Variants in CACNA1G observed in about 807,000 individuals in gnomAD.
The protein encoded by CACNA1G is calcium voltage-gated channel subunit alpha1 G.
Under a neutral mutation model 219.4 loss-of-function variants are expected in CACNA1G, and 67 were observed. That is an observed-to-expected ratio of 0.31 (90% CI 0.25 to 0.37). The LOEUF (loss-of-function observed/expected upper bound fraction) is 0.37, where lower values mean the gene tolerates loss of function less well. CACNA1G is among the 10% of genes least tolerant of loss of function. The pLI is 1.00. For missense variants in CACNA1G, 2,380 were observed against 3,231.4 expected (o/e 0.74, Z 6.39); for synonymous variants, 1,296 against 1,345.3 (o/e 0.96, Z 0.80).
intron 1 of CACNA1G, among the ~76,000 whole-genome samples, chr17:50,564,462 A>G (rs1597966221): frequency 1.8e-5 from 1 of 56,574 alleles, no homozygotes; most frequent in Non-Finnish European, 3.4e-5. Flanking sequence ...AGAGAGGGGG[A>G]GTGGGAGGGG....
intron 1 of CACNA1G, 110 bp from the exon 2 acceptor site, chr17:50,568,759 TG>T (rs2038610304): frequency 2.5e-6 from 2 of 815,424 alleles, no homozygotes; most frequent in Non-Finnish European, 4.1e-6. Context: ...GCACCACACC[TG>T]CTTAGCCTCA....
rs761607823 is a variant in CACNA1G, at chr17:50,591,459, G to T, written c.2478G>T (p.Gln826His). Residue 826 changes from glutamine (Q) to histidine (H), a missense_variant, in exon 11 of 38, where the codon CAG (glutamine) becomes CAT (histidine). This residue lies in a region of CACNA1G where 82 missense variants were observed against 140.7 expected (regional missense o/e 0.58). Coordinates refer to ENST00000359106, the MANE Select transcript of CACNA1G (RefSeq NM_018896.5). ...GCGTGTGGGAGATCGTGGGCCAGCA[G>T]GGGGGCGGCCTGTCGGTGCTGCGGA... ...VISVWEIVGQ[Q>H]GGGLSVLRTF... The T allele has an allele frequency of 1.3e-6, 2 of 1,588,882 alleles. No individual in the cohort carries two copies. Among genetic ancestry groups the T allele is most frequent in the Admixed American group, 1.7e-5 (1 of 58,014 alleles).
At position 50,585,801 on chromosome 17, in the gene CACNA1G, C is replaced by G. The variant is rs78991239; in HGVS notation, c.2302-4670C>G. Among the ~76,000 whole-genome samples the G allele has an allele frequency of 5.5e-3, 842 of 152,332 alleles. 7 individuals are homozygous for G. The highest frequency in any genetic ancestry group is 0.019 in the African/African-American group (780 of 41,572). ...CCTTGAAGACTTGCCTCCCACTGAC[C>G]CAGTGACCCTCACTGCCTCACTGCA... is the stretch of plus-strand genomic sequence containing the variant. On this transcript the variant is annotated intron_variant, in intron 9 of 37. Coordinates refer to ENST00000359106, the MANE Select transcript of CACNA1G (RefSeq NM_018896.5).
Position 50,600,791 on chromosome 17 carries a change from C to T in CACNA1G, c.3756C>T (p.Asp1252=), listed in dbSNP as rs746700061. ...TCCCTGCCTGCTGCCTCGAGCGAGA[C>T]TCCTGGTCAGCCTACATCTTCCCTC... The part of the protein sequence containing the change: ...ARLPACCLER[D]SWSAYIFPPQ... The change falls in exon 18 of 38, where the codon GAC becomes GAT. Residue 1252 remains aspartate, a synonymous_variant. Coordinates refer to ENST00000359106, the MANE Select transcript of CACNA1G (RefSeq NM_018896.5). The surrounding 1 kb of genome is among the most constrained non-coding windows in gnomAD (Gnocchi z 4.1). 6.2e-7 allele frequency: 1 copy of T among 1,613,908 alleles called. No homozygotes were observed. Among genetic ancestry groups the T allele is most frequent in the South Asian group, 1.1e-5 (1 of 91,088 alleles).
chr17:50,617,483 C>G lies in CACNA1G; in HGVS notation c.5067C>G (p.Gly1689=). The change falls in exon 29 of 38, where the codon GGC becomes GGG. Residue 1689 remains glycine, a synonymous_variant. Transcript: ENST00000359106. This position sits in a 1 kb window ranked among gnomAD's most constrained non-coding sequence, Gnocchi z 5.8. ...DLAIVLLSIM[G]ITLEEIEVNA... ...CCATTGTGCTGCTGTCCATCATGGG[C>G]ATCACGCTGGAGGAAATCGAGGTCA... 6.2e-7 allele frequency: 1 copy of G among 1,613,936 alleles called. No individual in the cohort carries two copies. Among genetic ancestry groups the G allele is most frequent in the Admixed American group, 1.7e-5 (1 of 60,012 alleles).
intron 13 of CACNA1G, among the ~76,000 whole-genome samples, chr17:50,592,643 C>A (rs970942080): frequency 6.6e-6 from 1 of 152,190 alleles, no homozygotes; most frequent in African/African-American, 2.4e-5. Context: ...TCACAGGCAG[C>A]GTCATCAATT....
rs1294495691 is a variant in CACNA1G at position 50,627,280 on chromosome 17, C to T, written c.*529C>T. 4.4e-6 allele frequency: 2 copies of T among 450,752 alleles called. No homozygotes were observed. The highest frequency in any genetic ancestry group is 2.4e-5 in the Admixed American group (1 of 42,276). 27.9% of individuals were successfully genotyped at this position (450,752 alleles called of 1,614,324 possible). A position where few individuals can be genotyped will look rare whatever the true frequency, so the allele number is the denominator to read the frequency against. Reference sequence around the variant, plus strand: ...ACGGTGGCCCATCTTCAGCGGAGAGCGAGAACCATTTTGGAAACTGTAATG... The same window carrying T: ...ACGGTGGCCCATCTTCAGCGGAGAGTGAGAACCATTTTGGAAACTGTAATG... On this transcript the variant is annotated 3_prime_UTR_variant, in exon 38 of 38. Coordinates refer to ENST00000359106, the MANE Select transcript of CACNA1G (RefSeq NM_018896.5).
In CACNA1G at chr17:50,602,859, G is replaced by A. The variant is rs60231077; in HGVS notation, c.3955G>A (p.Ala1319Thr). Residue 1319 changes from alanine (A) to threonine (T), a missense_variant, in exon 20 of 38, where the codon GCA becomes ACA. By Grantham distance (58) the Ala-to-Thr change is moderately conservative (BLOSUM62 0). Transcript: ENST00000359106. ...GACCCTCTCCAATTACATCTTCACCGCAGTCTTTCTGGCTGAAATGACAGT... is the reference window on the plus strand; with the variant it reads ...GACCCTCTCCAATTACATCTTCACCACAGTCTTTCTGGCTGAAATGACAGT... ...FLTLSNYIFT[A>T]VFLAEMTVKV... The A allele has an allele frequency of 3.7e-6, 6 of 1,613,674 alleles. No homozygotes were observed. Among genetic ancestry groups the A allele is most frequent in the African/African-American group, 1.3e-5 (1 of 74,858 alleles).
intron 22 of CACNA1G, among the ~76,000 whole-genome samples, chr17:50,605,205 C>T (rs1448901446): frequency 6.6e-6 from 1 of 152,168 alleles, no homozygotes; most frequent in Non-Finnish European, 1.5e-5. Context: ...CTGTTTTGAG[C>T]AGTTTGCTCA....
At chr17:50,562,430 C>A (rs553795969) in intron 1 of CACNA1G, among the ~76,000 whole-genome samples, 42 of 152,276 alleles carry the variant, frequency 2.8e-4, no homozygotes, top group African/African-American at 1.0e-3. Flanking sequence ...GCTGTCTGCC[C>A]CCGGAGCTGG....
rs199604200 is a variant in CACNA1G, at chr17:50,572,638, C to T, written c.831C>T (p.Asn277=). Reference sequence around the variant, plus strand: ...TCATCTGCTCCCAGCCACGCGAGAACGGCATGCGGTCCTGCAGAAGCGTGC... The same window carrying T: ...TCATCTGCTCCCAGCCACGCGAGAATGGCATGCGGTCCTGCAGAAGCGTGC... The part of the protein sequence containing the change: ...SPFICSQPRE[N]GMRSCRSVPT... Residue 277 remains asparagine (N), a synonymous_variant, in exon 6 of 38, where the codon AAC becomes AAT. Transcript: ENST00000359106. 3.3e-5 allele frequency: 53 copies of T among 1,601,024 alleles called. No individual in the cohort carries two copies. Among genetic ancestry groups the T allele is most frequent in the African/African-American group, 1.1e-4 (8 of 74,592 alleles).
intron 9 of CACNA1G, among the ~76,000 whole-genome samples, chr17:50,590,183 G>A (rs1271186430): frequency 6.6e-6 from 1 of 152,156 alleles, no homozygotes; most frequent in Admixed American, 6.5e-5. Context: ...AGGAGATAGG[G>A]CGGAACCCAC....
intron 13 of CACNA1G, among the ~76,000 whole-genome samples, chr17:50,592,639 G>C (rs1375901962): frequency 6.6e-6 from 1 of 152,190 alleles, no homozygotes; most frequent in Non-Finnish European, 1.5e-5. Context: ...TTCGTCACAG[G>C]CAGCGTCATC....
chr17:50,590,761 C>T (rs1233243663), intron 10 of CACNA1G, 139 bp downstream of exon 10: 2 of 716,874 alleles, frequency 2.8e-6, no homozygotes, highest in Non-Finnish European at 4.6e-6. Context: ...ACCTGCCACT[C>T]CTCCTAGGTG....
At chr17:50,602,738 T>G in intron 19 of CACNA1G, 82 bp from the exon 20 acceptor site, 2 of 1,249,300 alleles carry the variant, frequency 1.6e-6, no homozygotes, top group Non-Finnish European at 1.2e-6. Flanking sequence ...TAGAAGCAGG[T>G]TTTGACTTGT....
Position 50,618,283 on chromosome 17 carries a change from C to T in CACNA1G, c.5367C>T (p.Gly1789=), listed in dbSNP as rs772077795. The change falls in exon 32 of 38, where the codon GGC becomes GGT. Residue 1789 remains glycine (G), a synonymous_variant. Coordinates refer to ENST00000359106, the MANE Select transcript of CACNA1G (RefSeq NM_018896.5). The surrounding 1 kb of genome is among the most constrained non-coding windows in gnomAD (Gnocchi z 5.3). ...LGRHATFRNF[G]MAFLTLFRVS... is the part of the protein sequence containing the mutation. Reference sequence around the variant, plus strand: ...GTCATGCCACCTTTCGGAACTTTGGCATGGCCTTCCTAACCCTCTTCCGAG... The same window carrying T: ...GTCATGCCACCTTTCGGAACTTTGGTATGGCCTTCCTAACCCTCTTCCGAG... 8.1e-6 allele frequency: 13 copies of T among 1,613,730 alleles called. No homozygotes were observed. In the Admixed American group the frequency reaches 2.2e-4, roughly 27 times the overall value.
rs768911008 is a variant in CACNA1G, at chr17:50,626,560, C to G, written c.6943C>G (p.Pro2315Ala). Residue 2315 changes from proline to alanine, a missense_variant, in exon 38 of 38, where the codon CCC becomes GCC. Physicochemically the swap from Pro to Ala is conservative, Grantham distance 27. Transcript: ENST00000359106. The surrounding 1 kb of genome is among the most constrained non-coding windows in gnomAD (Gnocchi z 4.3). ...KLSPPSITID[P>A]PESQGPRTPP... is the part of the protein sequence containing the mutation. Reference sequence around the variant, plus strand: ...CAGCCCGCCTAGTATCACCATAGACCCCCCCGAGAGCCAAGGTCCTCGGAC... The same window carrying G: ...CAGCCCGCCTAGTATCACCATAGACGCCCCCGAGAGCCAAGGTCCTCGGAC... 4 of 1,591,032 alleles carry G rather than the reference C, an allele frequency of 2.5e-6. No individual in the cohort carries two copies. In the South Asian group the frequency reaches 3.4e-5, roughly 14 times the overall value.
Position 50,576,219 on chromosome 17 carries a change from C to T in CACNA1G, c.1817C>T (p.Ala606Val). The change falls in exon 8 of 38, where the codon GCA (alanine) becomes GTA (valine). Residue 606 changes from alanine (A) to valine (V), a missense_variant. Ala to Val is a moderately conservative substitution (Grantham distance 64). Transcript: ENST00000359106. Reference protein sequence around the residue: ...SPPPETLKEKALVEVAASSGP... With the variant: ...SPPPETLKEKVLVEVAASSGP... ...CCACCGGAGACGCTGAAGGAGAAGG[C>T]ACTAGTAGAGGTGGCTGCCAGCTCT... 1 of 1,607,774 alleles carries T rather than the reference C, an allele frequency of 6.2e-7. No homozygotes were observed. The highest frequency in any genetic ancestry group is 8.5e-7 in the Non-Finnish European group (1 of 1,177,816).
At chr17:50,608,143 C>G in intron 25 of CACNA1G, 124 bp downstream of exon 25, 2 of 811,226 alleles carry the variant, frequency 2.5e-6, no homozygotes, top group Non-Finnish European at 3.9e-6. Context: ...AGGCTCCCAC[C>G]CCCCTCCTCA....
Sources: gnomAD v4.1 joint callset for allele counts (sites outside exome capture counted in the v4.1 genomes callset) on GRCh38, gnomAD v4.1.1 for gene constraint, gnomAD v4.1.1 regional missense constraint, Gnocchi (gnomAD v3.1) non-coding constraint, MANE v1.5 for transcripts, NCBI Gene and HGNC (gene_info 2026-07-23, HGNC 2026-07-21) for gene names.